The following CYP4F22 variants were observed in gnomAD, a reference collection of about 807,000 sequenced individuals.
CYP4F22 encodes ultra-long-chain fatty acid omega-hydroxylase.
In CYP4F22, 37 loss-of-function variants were observed where a neutral mutation model predicts 60.4. The observed-to-expected ratio is 0.61, with a 90% CI of 0.47 to 0.81. The LOEUF (loss-of-function observed/expected upper bound fraction) is 0.81, where lower values mean the gene tolerates loss of function less well. Among genes scored for constraint, CYP4F22 ranks in the 30% least tolerant of loss-of-function variants. The probability of loss-of-function intolerance (pLI) is 0.00; values close to 1 mark genes in which losing one functional copy is unlikely to be tolerated. For missense variants in CYP4F22, 655 were observed against 715.0 expected, an observed-to-expected ratio of 0.92 and a Z score of 0.96; for synonymous variants, 258 against 280.5, an observed-to-expected ratio of 0.92 and a Z score of 0.80.
chr19:15,512,857 A>G (rs1471855604), intron 1 of CYP4F22, among the ~76,000 whole-genome samples: 1 of 150,370 alleles, frequency 6.7e-6, no homozygotes, highest in African/African-American at 2.4e-5. Context: ...AATGGGTGAC[A>G]TGTGCTCATG....
chr19:15,511,470 A>T (rs1258527017), intron 1 of CYP4F22, among the ~76,000 whole-genome samples: 1 of 151,996 alleles, frequency 6.6e-6, no homozygotes, highest in African/African-American at 2.4e-5. Context: ...AAAACAAAAC[A>T]AACAAACAAC....
At chr19:15,544,125 T>C (rs899943237) in intron 9 of CYP4F22, 25 bp from the exon 10 acceptor site, 1 of 1,614,040 alleles carries the variant, frequency 6.2e-7, no homozygotes, top group Non-Finnish European at 8.5e-7. Context: ...GCAGCCTCCA[T>C]TCAGATACCC....
At chr19:15,547,018 G>GTGTTTTT (rs1971533660) in intron 10 of CYP4F22, among the ~76,000 whole-genome samples, 1 of 82,330 alleles carries the variant, frequency 1.2e-5, no homozygotes, top group African/African-American at 5.7e-5. Flanking sequence ...GCCTGCACCA[G>GTGTTTTT]TTTTTTTTTT....
intron 8 of CYP4F22, 53 bp from the exon 9 acceptor site, chr19:15,543,918 G>A: frequency 7.5e-6 from 12 of 1,598,358 alleles, no homozygotes; most frequent in Admixed American, 1.7e-5. Context: ...GGAGCCCCTA[G>A]GATGCGGAGG....
intron 1 of CYP4F22, among the ~76,000 whole-genome samples, chr19:15,513,805 G>C (rs1446559434): frequency 3.1e-4 from 47 of 152,296 alleles, no homozygotes; most frequent in Non-Finnish European, 1.2e-4. Flanking sequence ...ACCCGGCCCA[G>C]TGCACACACT....
chr19:15,548,658 A>G (rs183635586), intron 11 of CYP4F22, among the ~76,000 whole-genome samples: 1 of 152,194 alleles, frequency 6.6e-6, no homozygotes, highest in Admixed American at 6.5e-5. Flanking sequence ...CTAAAGGGAG[A>G]GACAGGGGCT....
Position 15,529,718 on chromosome 19 carries a change from A to G in CYP4F22, c.232A>G (p.Asn78Asp). ...LLGHLGMYLPNEAGLQDEKKV... is the reference protein window; with the variant it reads ...LLGHLGMYLPDEAGLQDEKKV... ...CCCTTACCTCTTGCAGTACCTTCCAAATGAGGCGGGCCTTCAAGATGAGAA... is the reference window on the plus strand; with the variant it reads ...CCCTTACCTCTTGCAGTACCTTCCAGATGAGGCGGGCCTTCAAGATGAGAA... The change falls in exon 4 of 14, where the codon AAT (asparagine) becomes GAT (aspartate). Residue 78 changes from asparagine (N) to aspartate (D), a missense_variant. Physicochemically the swap from Asn to Asp is conservative, Grantham distance 23. Transcript: ENST00000269703. The G allele has an allele frequency of 5.6e-6, 9 of 1,614,092 alleles. No homozygotes were observed. The highest frequency in any genetic ancestry group is 7.6e-6 in the Non-Finnish European group (9 of 1,180,020).
At chr19:15,550,886 C>T (rs1429725739) in intron 13 of CYP4F22, 130 bp downstream of exon 13, 2 of 1,086,384 alleles carry the variant, frequency 1.8e-6, no homozygotes, top group African/African-American at 3.1e-5. Context: ...CCAGCACCCT[C>T]TCCCCAATGC....
intron 8 of CYP4F22, among the ~76,000 whole-genome samples, chr19:15,541,739 G>A (rs572912093): frequency 6.6e-6 from 1 of 152,028 alleles, no homozygotes; most frequent in Non-Finnish European, 1.5e-5. Context: ...AATTAGCCGG[G>A]CGTGGTGGCA....
Position 15,551,496 on chromosome 19 carries a change from C to G in CYP4F22, c.*25C>G, listed in dbSNP as rs1383724593. The G allele has an allele frequency of 2.6e-6, 4 of 1,546,202 alleles. No homozygotes were observed. Among genetic ancestry groups the G allele is most frequent in the African/African-American group, 1.4e-5 (1 of 73,046 alleles). On this transcript the variant is annotated 3_prime_UTR_variant, in exon 14 of 14. Coordinates refer to ENST00000269703, the MANE Select transcript of CYP4F22 (RefSeq NM_173483.4). ...AGCGTGGGCGCGCCCCTGCGGCTCC[C>G]GAGGGTCCAGGCCCCGCCCCCAAAG...
At chr19:15,518,689 A>G (rs1335525521) in intron 1 of CYP4F22, among the ~76,000 whole-genome samples, 1 of 113,478 alleles carries the variant, frequency 8.8e-6, no homozygotes, top group Non-Finnish European at 1.7e-5. Flanking sequence ...CAAAACACAG[A>G]AAAAAAAAAA....
chr19:15,528,399 C>T (rs1475902830), intron 3 of CYP4F22, among the ~76,000 whole-genome samples: 1 of 152,144 alleles, frequency 6.6e-6, no homozygotes, highest in Non-Finnish European at 1.5e-5. Flanking sequence ...AGGAGTGACC[C>T]TCAACCAATG....
chr19:15,541,080 T>TCAAAA (rs1189295393), intron 8 of CYP4F22, among the ~76,000 whole-genome samples: 2 of 152,182 alleles, frequency 1.3e-5, no homozygotes, highest in Non-Finnish European at 2.9e-5. Flanking sequence ...AGACTCTGTC[T>TCAAAA]CAAAACAAAA....
chr19:15,529,109 A>G (rs1971313156), intron 3 of CYP4F22, among the ~76,000 whole-genome samples: 1 of 143,886 alleles, frequency 6.9e-6, no homozygotes, highest in African/African-American at 2.6e-5. Context: ...AAGCCTGGCT[A>G]ATTTTATCTT....
chr19:15,525,675 A>G (rs1971275624), intron 3 of CYP4F22, 117 bp downstream of exon 3: 1 of 1,024,806 alleles, frequency 9.8e-7, no homozygotes, highest in African/African-American at 1.6e-5. Flanking sequence ...TGGGGCTAGC[A>G]GCAGATTTAT....
At chr19:15,547,404 C>T (rs1475525219) in intron 10 of CYP4F22, among the ~76,000 whole-genome samples, 3 of 152,112 alleles carry the variant, frequency 2.0e-5, no homozygotes, top group Non-Finnish European at 4.4e-5. Flanking sequence ...GCTGTCCTGG[C>T]ACCTCGCCTA....
chr19:15,543,561 A>G (rs1325247595), intron 8 of CYP4F22, among the ~76,000 whole-genome samples: 1 of 152,094 alleles, frequency 6.6e-6, no homozygotes, highest in African/African-American at 2.4e-5. Flanking sequence ...AGCTTGGCTT[A>G]AGAGAGAGAG....
At chr19:15,537,183 C>G (rs1971404092) in intron 4 of CYP4F22, among the ~76,000 whole-genome samples, 178 bp from the exon 5 acceptor site, 1 of 152,090 alleles carries the variant, frequency 6.6e-6, no homozygotes, top group South Asian at 2.1e-4. Context: ...CACCTGTAAT[C>G]CCAGCTACTC....
At chr19:15,534,523 C>T (rs1341450099) in intron 4 of CYP4F22, among the ~76,000 whole-genome samples, 1 of 151,832 alleles carries the variant, frequency 6.6e-6, no homozygotes, top group Non-Finnish European at 1.5e-5. Flanking sequence ...TGCTGTGTTG[C>T]CCAGGCTGGT....
Sources: allele counts gnomAD v4.1 joint callset (sites outside exome capture counted in the v4.1 genomes callset), GRCh38; gene constraint gnomAD v4.1.1; transcripts MANE v1.5; gene names NCBI Gene and HGNC (gene_info 2026-07-23, HGNC 2026-07-21).